SERGEF: variants seen among roughly 807,000 people sequenced by gnomAD.
SERGEF encodes secretion-regulating guanine nucleotide exchange factor.
In SERGEF, 51 loss-of-function variants were observed where a neutral mutation model predicts 50.0. The ratio of observed to expected loss-of-function variants is 1.02; its 90% confidence interval spans 0.81 to 1.29. The LOEUF is 1.29. Among genes scored for constraint, SERGEF ranks in the 50% most tolerant of loss-of-function variants. The pLI is 0.00. For synonymous variants in SERGEF, 205 were observed against 212.4 expected (o/e 0.97, Z 0.30); for missense variants, 521 against 557.0 (o/e 0.94, Z 0.65).
Position 17,788,280 on chromosome 11 carries a change from G to C in SERGEF, c.1182C>G (p.Gly394=), listed in dbSNP as rs1212966829. The C allele has an allele frequency of 6.2e-7, 1 of 1,614,184 alleles. No homozygotes were observed. Among genetic ancestry groups the C allele is most frequent in the Admixed American group, 1.7e-5 (1 of 60,020 alleles). ...GCAGCTGGCAGAGGGCCAAGGAGTG[G>C]CCAGCCCCACAGCCCACAAGGAGTC... ...SSGLLVGCGA[G]HSLALCQLPA... The change falls in exon 11 of 11, where the codon GGC becomes GGG. Residue 394 remains glycine (G), a synonymous_variant. Transcript: ENST00000265965.
Position 17,824,185 on chromosome 11 carries a change from T to C in SERGEF, c.1049-35772A>G, listed in dbSNP as rs370289363. On this transcript the variant is annotated intron_variant, in intron 10 of 10. Transcript: ENST00000265965. ...GCGTGGTGGCGGGCGCCTGTAGTCC[T>C]AGCTACTCAGGAGGCTGAGGCAGGA... 6.0e-3 allele frequency among the ~76,000 whole-genome samples: 914 copies of C among 151,920 alleles called. 15 individuals carry two copies. Among genetic ancestry groups the C allele is most frequent in the African/African-American group, 0.02 (821 of 41,424 alleles).
chr11:17,967,847 G>GGTCAGCCTGCAACACCT (rs929018306), intron 8 of SERGEF, among the ~76,000 whole-genome samples: 1 of 152,182 alleles, frequency 6.6e-6, no homozygotes, highest in Non-Finnish European at 1.5e-5. Context: ...TCACAATGCT[G>GGTCAGCCTGCAACACCT]GTCAGCCTGC....
At chr11:17,893,700 A>G (rs1851574381) in intron 9 of SERGEF, among the ~76,000 whole-genome samples, 1 of 152,184 alleles carries the variant, frequency 6.6e-6, no homozygotes, top group Non-Finnish European at 1.5e-5. Context: ...CAACTCTCAT[A>G]TGATGTGATG....
At chr11:17,998,440 C>CATACATATAT (rs1191366729) in intron 5 of SERGEF, among the ~76,000 whole-genome samples, 1 of 33,756 alleles carries the variant, frequency 3.0e-5, no homozygotes, top group Non-Finnish European at 4.9e-5. Flanking sequence ...TACATACATA[C>CATACATATAT]ATATATATAT....
Position 17,914,419 on chromosome 11 carries a change from A to AT in SERGEF, c.1012-36176dup, listed in dbSNP as rs1852010677. Among the ~76,000 whole-genome samples the AT allele has an allele frequency of 6.0e-5, 9 of 151,110 alleles. No homozygotes were observed. The South Asian group carries it at 1.0e-3, about 18-fold the overall frequency. ...CATTTTTAATGTTTTTATTTTTTTA[A>AT]TTTATTTTATTTTTTTAGAGTTGGG... On this transcript the variant is annotated intron_variant, in intron 9 of 10. Transcript: ENST00000265965.
intron 10 of SERGEF, among the ~76,000 whole-genome samples, chr11:17,831,206 A>T (rs1850302511): frequency 6.6e-6 from 1 of 152,222 alleles, no homozygotes; most frequent in Non-Finnish European, 1.5e-5. Flanking sequence ...CAGCAGGATG[A>T]GATAGAGCCC....
At chr11:17,970,034 C>G (rs1402569031) in intron 8 of SERGEF, among the ~76,000 whole-genome samples, 1 of 152,182 alleles carries the variant, frequency 6.6e-6, no homozygotes, top group Admixed American at 6.5e-5. Flanking sequence ...GAACCCAGGT[C>G]GCCCTGACTT....
intron 9 of SERGEF, among the ~76,000 whole-genome samples, chr11:17,954,660 C>G (rs1383320180): frequency 6.6e-6 from 1 of 152,202 alleles, no homozygotes; most frequent in Non-Finnish European, 1.5e-5. Flanking sequence ...TTTATTTCCA[C>G]ATTTCCTGCT....
chr11:18,011,906 A>G (rs1261484930), intron 1 of SERGEF, among the ~76,000 whole-genome samples: 1 of 152,082 alleles, frequency 6.6e-6, no homozygotes, highest in Non-Finnish European at 1.5e-5. Context: ...ACATTCAACA[A>G]TTGCCGCCTT....
intron 10 of SERGEF, among the ~76,000 whole-genome samples, chr11:17,822,627 C>T (rs1399069749): frequency 1.3e-5 from 2 of 152,140 alleles, no homozygotes; most frequent in Non-Finnish European, 2.9e-5. Context: ...TGAACAATAA[C>T]GTGTGAAGCA....
intron 10 of SERGEF, among the ~76,000 whole-genome samples, chr11:17,829,854 G>A (rs1473509881): frequency 6.6e-6 from 1 of 152,210 alleles, no homozygotes; most frequent in African/African-American, 2.4e-5. Context: ...TATAAAAGCA[G>A]ATTTGGGTAG....
rs1278030185 is a variant in SERGEF at position 17,788,249 on chromosome 11, GAGCTGGC to G, written c.1206_1212del (p.Pro403ThrfsTer?). On this transcript the variant is annotated frameshift_variant, in exon 11 of 11. Coordinates refer to ENST00000265965, the MANE Select transcript of SERGEF (RefSeq NM_012139.4). LOFTEE classifies it low-confidence loss of function (END_TRUNC). ...TTGGGGTCCTGGACCAATGCAGGGT[GAGCTGGC>G]AGCTGGCAGAGGGCCAAGGAGTGGC... 4 of 1,613,846 alleles carry G rather than the reference GAGCTGGC, an allele frequency of 2.5e-6. No homozygotes were observed. The East Asian group carries it at 6.7e-5, about 27-fold the overall frequency.
At chr11:17,886,285 A>C (rs545159292) in intron 9 of SERGEF, among the ~76,000 whole-genome samples, 39 of 152,268 alleles carry the variant, frequency 2.6e-4, no homozygotes, top group African/African-American at 9.1e-4. Flanking sequence ...AGGAGACTAT[A>C]AGCATTAGCA....
At chr11:17,995,206 C>T (rs1323051451) in intron 6 of SERGEF, among the ~76,000 whole-genome samples, 1 of 152,196 alleles carries the variant, frequency 6.6e-6, no homozygotes, top group African/African-American at 2.4e-5. Context: ...ATATTACCTA[C>T]TCCTCGTATT....
At chr11:17,791,456 G>T (rs1017831391) in intron 10 of SERGEF, among the ~76,000 whole-genome samples, 1 of 152,208 alleles carries the variant, frequency 6.6e-6, no homozygotes, top group African/African-American at 2.4e-5. Context: ...AATGTTGAAA[G>T]ATCTTCCTAA....
At chr11:17,883,698 T>C (rs1286805943) in intron 9 of SERGEF, among the ~76,000 whole-genome samples, 1 of 152,194 alleles carries the variant, frequency 6.6e-6, no homozygotes, top group Non-Finnish European at 1.5e-5. Flanking sequence ...CCAGTTCCCT[T>C]ACATCTGGCA....
chr11:17,817,213 AT>A (rs36024602), intron 10 of SERGEF, among the ~76,000 whole-genome samples: 61,476 of 134,834 alleles, frequency 0.46, 12,829 homozygotes, highest in East Asian at 0.81. Context: ...CTTTCCATGT[AT>A]TTTTTTTTTT....
At chr11:17,941,151 A>G (rs1194629206) in intron 9 of SERGEF, among the ~76,000 whole-genome samples, 1 of 152,252 alleles carries the variant, frequency 6.6e-6, no homozygotes, top group Non-Finnish European at 1.5e-5. Context: ...GTATTTTAAA[A>G]TAAGTTGTAG....
chr11:17,795,409 T>C lies in SERGEF; in HGVS notation c.1049-6996A>G, dbSNP rs1356372867. 2.0e-5 allele frequency among the ~76,000 whole-genome samples: 3 copies of C among 152,120 alleles called. 1 individual carries two copies. Among genetic ancestry groups the C allele is most frequent in the African/African-American group, 7.2e-5 (3 of 41,416 alleles). On this transcript the variant is annotated intron_variant, in intron 10 of 10. Transcript: ENST00000265965. ...AGCAGGATGGAAAAAGGGGATCAGG[T>C]CCTCACGTCCCTTGCCCTATCCTTT...
Sources: gnomAD v4.1 joint callset for allele counts (sites outside exome capture counted in the v4.1 genomes callset) on GRCh38, gnomAD v4.1.1 for gene constraint, MANE v1.5 for transcripts, NCBI Gene and HGNC (gene_info 2026-07-23, HGNC 2026-07-21) for gene names.